Variants in RIN2 observed in about 807,000 individuals in gnomAD.
RIN2 encodes the protein Ras and Rab interactor 2.
In RIN2, 36 loss-of-function variants were observed where a neutral mutation model predicts 78.0. The ratio of observed to expected loss-of-function variants is 0.46; its 90% confidence interval spans 0.35 to 0.61. RIN2 has a LOEUF of 0.61. Ranked by LOEUF, RIN2 falls within the 20% of genes least tolerant of loss-of-function variation. The pLI is 0.00. For missense variants in RIN2, 1,087 were observed against 1,159.7 expected, an observed-to-expected ratio of 0.94 and a Z score of 0.91; for synonymous variants, 466 against 466.8, an observed-to-expected ratio of 1.00 and a Z score of 0.02.
chr20:19,797,065 A>G (rs2035080284), intron 1 of RIN2, among the ~76,000 whole-genome samples: 1 of 152,208 alleles, frequency 6.6e-6, no homozygotes, highest in South Asian at 2.1e-4. Context: ...GATTGGAATA[A>G]TTTGAATTGT....
intron 9 of RIN2, among the ~76,000 whole-genome samples, chr20:19,977,133 A>T (rs1246789851): frequency 6.6e-6 from 1 of 151,942 alleles, no homozygotes; most frequent in Non-Finnish European, 1.5e-5. Context: ...ACCATATCTG[A>T]CTCAGTATTA....
rs555375006 is a variant in RIN2 at position 19,810,957 on chromosome 20, C to T, written c.-37+11210C>T. The stretch of plus-strand genomic sequence containing the variant: ...CGATCTCCTGACCTCGTGATCCGCC[C>T]GCCTCGGCCTCCCAAAGTGCTGGGA... On this transcript the variant is annotated intron_variant, in intron 2 of 12. Coordinates refer to ENST00000255006, the MANE Select transcript of RIN2 (RefSeq NM_018993.4). Among the ~76,000 whole-genome samples the T allele has an allele frequency of 5.3e-5, 8 of 151,374 alleles. No homozygotes were observed. The South Asian group carries it at 1.5e-3, about 28-fold the overall frequency.
At chr20:19,977,667 A>G (rs2042322063) in intron 9 of RIN2, among the ~76,000 whole-genome samples, 3 of 152,108 alleles carry the variant, frequency 2.0e-5, no homozygotes, top group Admixed American at 1.3e-4. Flanking sequence ...ATTGGATCAG[A>G]AGCCCACGTT....
At chr20:19,823,888 C>T (rs2036002061) in intron 2 of RIN2, 5 of 1,601,338 alleles carry the variant, frequency 3.1e-6, no homozygotes, top group Non-Finnish European at 4.3e-6. Flanking sequence ...GACTTCACCT[C>T]CGGTGCACCT....
intron 2 of RIN2, among the ~76,000 whole-genome samples, chr20:19,872,559 G>A (rs2037721817): frequency 6.6e-6 from 1 of 151,894 alleles, no homozygotes; most frequent in Non-Finnish European, 1.5e-5. Context: ...ATACGCCCAG[G>A]AGCAATTCTC....
intron 6 of RIN2, among the ~76,000 whole-genome samples, chr20:19,964,213 A>AG (rs1459286832): frequency 6.6e-6 from 1 of 150,922 alleles, no homozygotes; most frequent in African/African-American, 2.4e-5. Flanking sequence ...GCAGGGGTGG[A>AG]GGGGGGAACA....
At chr20:19,940,222 C>T (rs928784918) in intron 4 of RIN2, among the ~76,000 whole-genome samples, 2 of 152,178 alleles carry the variant, frequency 1.3e-5, no homozygotes, top group Non-Finnish European at 2.9e-5. Context: ...GTCTGTCCTT[C>T]ACCCTGGGAT....
intron 3 of RIN2, among the ~76,000 whole-genome samples, chr20:19,909,070 G>T (rs1326831378): frequency 6.6e-6 from 1 of 152,072 alleles, no homozygotes; most frequent in East Asian, 1.9e-4. Context: ...TGCCATGTTG[G>T]CCAGGCTGGT....
Position 19,974,542 on chromosome 20 carries a change from ACC to A in RIN2, c.629-109_629-108del, listed in dbSNP as rs563543447. The stretch of plus-strand genomic sequence containing the variant: ...TAAACCTGAGTACAACGCACCCCCT[ACC>A]CCACCCCGCAAGACTCGCGTTGTCA... On this transcript the variant is annotated intron_variant, in intron 8 of 12. Coordinates refer to ENST00000255006, the MANE Select transcript of RIN2 (RefSeq NM_018993.4). The A allele has an allele frequency of 1.2e-4, 128 of 1,077,966 alleles. No individual in the cohort carries two copies. In the African/African-American group the frequency reaches 1.8e-3, roughly 15 times the overall value. The allele number at this position is 1,077,966 out of a possible 1,614,324, so 66.8% of individuals were successfully genotyped here. A position where few individuals can be genotyped will look rare whatever the true frequency, so the allele number is the denominator to read the frequency against.
At chr20:19,801,241 T>C (rs2035231740) in intron 2 of RIN2, among the ~76,000 whole-genome samples, 1 of 152,184 alleles carries the variant, frequency 6.6e-6, no homozygotes, top group Non-Finnish European at 1.5e-5. Context: ...TACACAATAT[T>C]CTTTTCCTTA....
At chr20:19,923,953 G>T (rs569328756) in intron 3 of RIN2, among the ~76,000 whole-genome samples, 1 of 151,724 alleles carries the variant, frequency 6.6e-6, no homozygotes, top group East Asian at 1.9e-4. Context: ...GAAAAATGAA[G>T]GGCAGAGTTC....
chr20:19,879,461 G>C (rs2037953390), intron 2 of RIN2, among the ~76,000 whole-genome samples: 1 of 152,160 alleles, frequency 6.6e-6, no homozygotes, highest in Non-Finnish European at 1.5e-5. Flanking sequence ...ATTAGACACT[G>C]TGCTTCCGCT....
At chr20:19,834,159 T>C (rs112289265) in intron 2 of RIN2, among the ~76,000 whole-genome samples, 2,423 of 152,260 alleles carry the variant, frequency 0.016, 31 homozygotes, top group Non-Finnish European at 0.024. Context: ...TGTCAGAGCC[T>C]AGTTAATGGA....
At position 19,975,623 on chromosome 20, in the gene RIN2, T is replaced by C. The variant is rs2042256894; in HGVS notation, c.1598T>C (p.Val533Ala). Residue 533 changes from valine (V) to alanine (A), a missense_variant, in exon 9 of 13, where the codon GTG becomes GCG. Val to Ala is a moderately conservative substitution (Grantham distance 64). Transcript: ENST00000255006. This position sits in a 1 kb window ranked among gnomAD's most constrained non-coding sequence, Gnocchi z 4.9. ...RDKCTYFGCLVQDYVSFLQEN... is the reference protein window; with the variant it reads ...RDKCTYFGCLAQDYVSFLQEN... ...AAATGCACCTACTTCGGGTGCTTAG[T>C]GCAGGACTACGTGAGCTTCCTGCAG... 6.2e-7 allele frequency: 1 copy of C among 1,613,798 alleles called. No homozygotes were observed. The highest frequency in any genetic ancestry group is 1.3e-5 in the African/African-American group (1 of 74,922).
rs192539413 is a variant in RIN2 at position 19,969,032 on chromosome 20, C to T, written c.537-1806C>T. Among the ~76,000 whole-genome samples the T allele has an allele frequency of 2.2e-3, 329 of 152,202 alleles. 1 individual carries two copies. The highest frequency in any genetic ancestry group is 4.0e-3 in the Non-Finnish European group (271 of 68,008). On this transcript the variant is annotated intron_variant, in intron 7 of 12. Coordinates refer to ENST00000255006, the MANE Select transcript of RIN2 (RefSeq NM_018993.4). ...GGAAGAGGTGATATGGGCCTGACCC[C>T]CAAGAACAGCAGCCTCCTGGCTTTA...
intron 4 of RIN2, among the ~76,000 whole-genome samples, chr20:19,941,367 G>A (rs1218441918): frequency 6.6e-6 from 1 of 152,180 alleles, no homozygotes; most frequent in Non-Finnish European, 1.5e-5. Context: ...GATGCCCAGA[G>A]TTCCACTTCC....
chr20:19,785,877 AT>A (rs2034661246), intron 1 of RIN2, among the ~76,000 whole-genome samples: 1 of 152,192 alleles, frequency 6.6e-6, no homozygotes, highest in African/African-American at 2.4e-5. Context: ...TTAAAAAGTA[AT>A]TTTCATACAT....
intron 10 of RIN2, 76 bp from the exon 11 acceptor site, chr20:19,992,092 A>C: frequency 6.6e-7 from 1 of 1,523,724 alleles, no homozygotes; most frequent in Non-Finnish European, 8.9e-7. Flanking sequence ...TTGCTGTCTA[A>C]TAAAAGCAGC....
intron 2 of RIN2, among the ~76,000 whole-genome samples, chr20:19,832,474 C>T (rs1197489446): frequency 1.3e-5 from 2 of 151,204 alleles, no homozygotes; most frequent in Admixed American, 1.3e-4. Context: ...TCAAGCACGC[C>T]TTTCAAAGGC....
Sources: gnomAD v4.1 joint callset for allele counts (sites outside exome capture counted in the v4.1 genomes callset) on GRCh38, gnomAD v4.1.1 for gene constraint, Gnocchi (gnomAD v3.1) non-coding constraint, MANE v1.5 for transcripts, NCBI Gene and HGNC (gene_info 2026-07-23, HGNC 2026-07-21) for gene names.